Variants in TRAPPC9 observed in about 807,000 individuals in gnomAD.
The protein encoded by TRAPPC9 is IKK2 binding protein.
TRAPPC9 carries 83 observed loss-of-function variants against 124.0 expected under a neutral mutation model. That is an observed-to-expected ratio of 0.67 (90% confidence interval 0.56 to 0.80). The LOEUF is 0.80. Ranked by LOEUF, TRAPPC9 falls within the 30% of genes least tolerant of loss-of-function variation. TRAPPC9 has a pLI of 0.00. For synonymous variants in TRAPPC9, 638 were observed against 617.5 expected (o/e 1.03, Z -0.49); for missense variants, 1,302 against 1,508.3 (o/e 0.86, Z 2.27).
intron 2 of TRAPPC9, among the ~76,000 whole-genome samples, chr8:140,449,889 G>C (rs2071395138): frequency 6.6e-6 from 1 of 152,236 alleles, no homozygotes. Context: ...CTGTGCTCTA[G>C]CACAGTGCTG....
chr8:139,847,401 G>A (rs908042248), intron 21 of TRAPPC9, among the ~76,000 whole-genome samples: 4 of 152,238 alleles, frequency 2.6e-5, no homozygotes, highest in African/African-American at 9.6e-5. Flanking sequence ...AAGCACAGGG[G>A]GTTCCGGAGC....
In TRAPPC9 at chr8:139,732,303, T is replaced by A. The variant is rs779352113; in HGVS notation, c.3056-101A>T. 335 of 1,131,054 alleles carry A rather than the reference T, an allele frequency of 3.0e-4. 1 individual carries two copies. Among genetic ancestry groups the A allele is most frequent in the Non-Finnish European group, 4.0e-4 (327 of 809,362 alleles). The allele number at this position is 1,131,054 out of a possible 1,614,324, so 70.1% of individuals were successfully genotyped here. ...TTCATTCATTTCTTCCCTCCTTCAC[T>A]CTTCAAGGCTGCCACCCACTCCCTG... On this transcript the variant is annotated intron_variant, in intron 21 of 22. Coordinates refer to ENST00000438773, the MANE Select transcript of TRAPPC9 (RefSeq NM_001160372.4).
intron 18 of TRAPPC9, among the ~76,000 whole-genome samples, chr8:140,005,893 C>A (rs927676500): frequency 1.5e-5 from 2 of 136,020 alleles, no homozygotes; most frequent in South Asian, 2.3e-4. Context: ...GTCTGGGTGA[C>A]GGTAAGACCC....
chr8:140,147,616 A>T lies in TRAPPC9; in HGVS notation c.2556+73843T>A, dbSNP rs148295603. ...AATCAGAACTTAGCAACATGATTAC[A>T]GTTATGTTTCAGTGAACATCACTCT... On this transcript the variant is annotated intron_variant, in intron 17 of 22. Coordinates refer to ENST00000438773, the MANE Select transcript of TRAPPC9 (RefSeq NM_001160372.4). 1.9e-3 allele frequency among the ~76,000 whole-genome samples: 286 copies of T among 152,364 alleles called. 1 individual carries two copies. Among genetic ancestry groups the T allele is most frequent in the African/African-American group, 6.5e-3 (271 of 41,588 alleles).
At chr8:139,899,976 A>G (rs1315936667) in intron 20 of TRAPPC9, among the ~76,000 whole-genome samples, 4 of 152,180 alleles carry the variant, frequency 2.6e-5, no homozygotes, top group African/African-American at 7.2e-5. Context: ...CTAGATGTAC[A>G]AGGCCAGGCC....
chr8:139,997,554 G>A (rs901472902), intron 18 of TRAPPC9, among the ~76,000 whole-genome samples: 1 of 133,866 alleles, frequency 7.5e-6, no homozygotes, highest in Non-Finnish European at 1.5e-5. Context: ...AAGAGACAAC[G>A]CATCCTACCC....
At chr8:139,949,660 G>C (rs558141453) in intron 19 of TRAPPC9, among the ~76,000 whole-genome samples, 1 of 151,962 alleles carries the variant, frequency 6.6e-6, no homozygotes, top group African/African-American at 2.4e-5. Flanking sequence ...AACACACACA[G>C]AATTCCACTT....
intron 19 of TRAPPC9, among the ~76,000 whole-genome samples, chr8:139,912,600 T>C (rs964557319): frequency 3.3e-5 from 5 of 152,332 alleles, no homozygotes; most frequent in Admixed American, 2.0e-4. Flanking sequence ...CCGAGCAGCA[T>C]GGACAGGCCT....
intron 8 of TRAPPC9, among the ~76,000 whole-genome samples, 162 bp from the exon 9 acceptor site, chr8:140,360,355 A>C (rs1414481087): frequency 6.6e-6 from 1 of 152,244 alleles, no homozygotes; most frequent in African/African-American, 2.4e-5. Flanking sequence ...ACCCTGGAAA[A>C]GTACTTTAAA....
At chr8:139,829,684 A>G (rs75794807) in intron 21 of TRAPPC9, among the ~76,000 whole-genome samples, 22,995 of 152,226 alleles carry the variant, frequency 0.15, 2,040 homozygotes, top group African/African-American at 0.25. Context: ...TTGCGGGGCT[A>G]TGATCCCAAA....
chr8:139,929,520 G>GA (rs10707681), intron 19 of TRAPPC9, among the ~76,000 whole-genome samples: 105 of 146,642 alleles, frequency 7.2e-4, no homozygotes, highest in Admixed American at 9.5e-4. Flanking sequence ...CGGATCATGA[G>GA]AAAAAAAAAA....
chr8:140,394,859 C>T (rs566005269), intron 7 of TRAPPC9, among the ~76,000 whole-genome samples: 1 of 152,318 alleles, frequency 6.6e-6, no homozygotes, highest in East Asian at 1.9e-4. Context: ...GGAAGCCCTC[C>T]ACCCTCAGCA....
At chr8:140,172,191 C>T (rs942175733) in intron 17 of TRAPPC9, among the ~76,000 whole-genome samples, 3 of 152,114 alleles carry the variant, frequency 2.0e-5, no homozygotes, top group Non-Finnish European at 2.9e-5. Flanking sequence ...AGCATGAGCA[C>T]CTGTGGAGCA....
At chr8:139,901,332 G>A (rs1033998817) in intron 20 of TRAPPC9, among the ~76,000 whole-genome samples, 2 of 152,196 alleles carry the variant, frequency 1.3e-5, no homozygotes, top group African/African-American at 4.8e-5. Flanking sequence ...TTACACTAAT[G>A]GAAAGACTGC....
intron 5 of TRAPPC9, among the ~76,000 whole-genome samples, chr8:140,415,562 AAAAAG>A (rs1045455339): frequency 1.3e-5 from 2 of 152,174 alleles, no homozygotes; most frequent in Admixed American, 1.3e-4. Flanking sequence ...TCACACAAAA[AAAAAG>A]AAAAGAAAAA....
At chr8:140,060,475 T>C (rs1245502867) in intron 17 of TRAPPC9, among the ~76,000 whole-genome samples, 3 of 152,178 alleles carry the variant, frequency 2.0e-5, no homozygotes, top group Non-Finnish European at 2.9e-5. Context: ...TTCAGCCCCT[T>C]GGCCTCCTGC....
At chr8:140,094,959 A>G (rs1351562018) in intron 17 of TRAPPC9, 3 of 152,232 alleles carry the variant, frequency 2.0e-5, no homozygotes, top group African/African-American at 7.2e-5. Context: ...GCTGTTGATT[A>G]CCAGAGTCCA....
chr8:140,316,089 C>T (rs574940180), intron 9 of TRAPPC9, among the ~76,000 whole-genome samples: 19 of 152,190 alleles, frequency 1.2e-4, no homozygotes, highest in Non-Finnish European at 2.6e-4. Flanking sequence ...AGCTATAAAA[C>T]TCTACCAGGT....
At chr8:140,240,370 G>A (rs886222653) in intron 16 of TRAPPC9, among the ~76,000 whole-genome samples, 1 of 152,146 alleles carries the variant, frequency 6.6e-6, no homozygotes, top group Non-Finnish European at 1.5e-5. Context: ...CAGGGGCTCC[G>A]AGGGGAGGAC....
Sources: gnomAD v4.1 joint callset for allele counts (sites outside exome capture counted in the v4.1 genomes callset) on GRCh38, gnomAD v4.1.1 for gene constraint, MANE v1.5 for transcripts, NCBI Gene and HGNC (gene_info 2026-07-23, HGNC 2026-07-21) for gene names.